The following MLLT3 variants were observed in gnomAD, a reference collection of about 807,000 sequenced individuals.
MLLT3 encodes MLLT3 super elongation complex subunit.
Under a neutral mutation model 53.2 loss-of-function variants are expected in MLLT3, and 4 were observed. The observed-to-expected ratio is 0.08, with a 90% CI of 0.04 to 0.17. MLLT3 has a LOEUF of 0.17. Among genes scored for constraint, MLLT3 ranks in the 10% least tolerant of loss-of-function variants. The pLI is 1.00. For synonymous variants in MLLT3, 283 were observed against 230.6 expected (o/e 1.23, Z -2.06); for missense variants, 569 against 684.0 (o/e 0.83, Z 1.87).
chr9:20,478,057 A>G (rs898048993), intron 2 of MLLT3, among the ~76,000 whole-genome samples: 2 of 152,208 alleles, frequency 1.3e-5, no homozygotes, highest in African/African-American at 4.8e-5. Flanking sequence ...CCACCTTGAA[A>G]TAACAAGTCC....
chr9:20,421,131 G>A (rs971571104), intron 4 of MLLT3, among the ~76,000 whole-genome samples: 1 of 152,100 alleles, frequency 6.6e-6, no homozygotes, highest in Non-Finnish European at 1.5e-5. Flanking sequence ...GGGCCAGGTG[G>A]CGAGGGCCTG....
chr9:20,499,924 T>A (rs948808680), intron 2 of MLLT3, among the ~76,000 whole-genome samples: 2 of 152,080 alleles, frequency 1.3e-5, no homozygotes, highest in East Asian at 3.9e-4. Flanking sequence ...GGGGAACAGG[T>A]GTTAATGCAG....
chr9:20,417,486 A>C (rs1056135536), intron 4 of MLLT3, among the ~76,000 whole-genome samples: 3 of 151,522 alleles, frequency 2.0e-5, no homozygotes, highest in Admixed American at 6.6e-5. Flanking sequence ...ACCACTGAGC[A>C]GCACAGACTA....
intron 5 of MLLT3, among the ~76,000 whole-genome samples, chr9:20,367,481 G>A (rs1393304574): frequency 2.0e-5 from 3 of 152,118 alleles, no homozygotes; most frequent in African/African-American, 7.2e-5. Flanking sequence ...CGGTACATTA[G>A]GCCCTGCGTT....
In MLLT3 at chr9:20,413,759, C is replaced by A; in HGVS notation, c.1087G>T (p.Asp363Tyr). Residue 363 changes from aspartate (D) to tyrosine (Y), a missense_variant, in exon 5 of 11, where the codon GAT (aspartate) becomes TAT (tyrosine). Asp to Tyr is a radical substitution (Grantham distance 160). Transcript: ENST00000380338. ...GATATATTCTCCTCCACATCTGAAT[C>A]ATTGGGATCCACAATATCATCAAAT... Reference protein sequence around the residue: ...PPFDDIVDPNDSDVEENISSK... With the variant: ...PPFDDIVDPNYSDVEENISSK... 6.2e-7 allele frequency: 1 copy of A among 1,612,048 alleles called. No individual in the cohort carries two copies. Among genetic ancestry groups the A allele is most frequent in the East Asian group, 2.2e-5 (1 of 44,870 alleles).
chr9:20,573,494 A>T (rs1434738424), intron 2 of MLLT3, among the ~76,000 whole-genome samples: 1 of 152,216 alleles, frequency 6.6e-6, no homozygotes, highest in Non-Finnish European at 1.5e-5. Context: ...GGAAGATTTT[A>T]AAAACCACTA....
At chr9:20,393,225 T>G (rs1024391776) in intron 5 of MLLT3, among the ~76,000 whole-genome samples, 2 of 152,054 alleles carry the variant, frequency 1.3e-5, no homozygotes, top group African/African-American at 4.8e-5. Context: ...AATAAAGAAA[T>G]TAGGATTGTT....
At chr9:20,499,197 A>T (rs889248944) in intron 2 of MLLT3, among the ~76,000 whole-genome samples, 4 of 152,172 alleles carry the variant, frequency 2.6e-5, no homozygotes, top group Admixed American at 1.3e-4. Context: ...CAGTCACTGG[A>T]CTTGGGCCAA....
chr9:20,443,160 G>C (rs554840246), intron 4 of MLLT3, among the ~76,000 whole-genome samples: 9 of 151,812 alleles, frequency 5.9e-5, no homozygotes, highest in African/African-American at 2.2e-4. Context: ...AAAGGCAGCA[G>C]GAACAAACAA....
chr9:20,469,715 T>A (rs1226869365), intron 2 of MLLT3, among the ~76,000 whole-genome samples: 3 of 136,806 alleles, frequency 2.2e-5, no homozygotes. Flanking sequence ...ACTAATTCGG[T>A]GCAATCAGGA....
chr9:20,461,729 TG>T (rs1824112338), intron 2 of MLLT3, among the ~76,000 whole-genome samples: 1 of 152,156 alleles, frequency 6.6e-6, no homozygotes, highest in South Asian at 2.1e-4. Context: ...GGAAAACAGC[TG>T]GTAGATTCCT....
chr9:20,493,123 C>G (rs1419382372), intron 2 of MLLT3, among the ~76,000 whole-genome samples: 1 of 151,810 alleles, frequency 6.6e-6, no homozygotes, highest in Non-Finnish European at 1.5e-5. Flanking sequence ...AAAGAAAGCT[C>G]AGAGGATTAG....
At chr9:20,473,312 A>G (rs1379666610) in intron 2 of MLLT3, among the ~76,000 whole-genome samples, 2 of 152,160 alleles carry the variant, frequency 1.3e-5, no homozygotes, top group Non-Finnish European at 2.9e-5. Flanking sequence ...ACTTTTTTAA[A>G]GGAGCATGAT....
intron 5 of MLLT3, among the ~76,000 whole-genome samples, chr9:20,369,443 T>G (rs1401128850): frequency 1.3e-5 from 2 of 152,140 alleles, no homozygotes; most frequent in African/African-American, 4.8e-5. Context: ...AGAAAAAAAT[T>G]GACTTATCCA....
At chr9:20,515,239 C>A (rs1817879988) in intron 2 of MLLT3, among the ~76,000 whole-genome samples, 1 of 152,124 alleles carries the variant, frequency 6.6e-6, no homozygotes, top group Non-Finnish European at 1.5e-5. Context: ...AGCCACTGCG[C>A]CAGGCCTCAA....
chr9:20,405,789 G>GT (rs1822562737), intron 5 of MLLT3, among the ~76,000 whole-genome samples: 1 of 152,082 alleles, frequency 6.6e-6, no homozygotes, highest in South Asian at 2.1e-4. Context: ...AATTGTTTGT[G>GT]TTTTTTTCCA....
intron 2 of MLLT3, among the ~76,000 whole-genome samples, chr9:20,619,323 G>A (rs1350419990): frequency 6.6e-6 from 1 of 152,072 alleles, no homozygotes; most frequent in African/African-American, 2.4e-5. Context: ...GTTTTCAGGA[G>A]GAGTTATAAA....
chr9:20,488,828 A>C (rs1183878999), intron 2 of MLLT3, among the ~76,000 whole-genome samples: 1 of 152,202 alleles, frequency 6.6e-6, no homozygotes, highest in East Asian at 1.9e-4. Context: ...ATAAATGGTG[A>C]GTGGACACTG....
At chr9:20,556,312 T>C (rs1298256300) in intron 2 of MLLT3, among the ~76,000 whole-genome samples, 3 of 152,212 alleles carry the variant, frequency 2.0e-5, no homozygotes, top group African/African-American at 4.8e-5. Context: ...TCAGTATTGA[T>C]ATATTTTTAT....
Sources: allele counts gnomAD v4.1 joint callset (sites outside exome capture counted in the v4.1 genomes callset), GRCh38; gene constraint gnomAD v4.1.1; transcripts MANE v1.5; gene names NCBI Gene and HGNC (gene_info 2026-07-23, HGNC 2026-07-21).